The following PDXDC1 variants were observed in gnomAD, a reference collection of about 807,000 sequenced individuals.
PDXDC1 encodes pyridoxal-dependent decarboxylase domain-containing protein 1.
A neutral mutation model predicts 100.1 loss-of-function variants in PDXDC1; 42 were observed. That is an observed-to-expected ratio of 0.42 (90% CI 0.33 to 0.54). The LOEUF is 0.54. PDXDC1 is among the 20% of genes least tolerant of loss of function. The pLI is 0.10. For missense variants in PDXDC1, 636 were observed against 979.2 expected (o/e 0.65, Z 4.68); for synonymous variants, 260 against 371.7 (o/e 0.70, Z 3.46).
At chr16:15,130,258 T>C in intron 16 of PDXDC1, 2 of 1,547,428 alleles carry the variant, frequency 1.3e-6, no homozygotes, top group South Asian at 2.4e-5. Flanking sequence ...CCGAAGGCGG[T>C]GAGGTGGCGG....
rs1419503832 is a variant in PDXDC1, at chr16:15,028,869, T to C, written c.1205-9T>C. ...TGGGAGTGACTCCCTTTCTGTGTTT[T>C]GGTGTCAGATCCGGTGTTTAAAGCC... On this transcript the variant is annotated splice_polypyrimidine_tract_variant and intron_variant, in intron 14 of 22. Coordinates refer to ENST00000396410, the MANE Select transcript of PDXDC1 (RefSeq NM_015027.4). 3.1e-6 allele frequency: 5 copies of C among 1,612,696 alleles called. No homozygotes were observed. Among genetic ancestry groups the C allele is most frequent in the African/African-American group, 2.7e-5 (2 of 74,938 alleles).
At chr16:15,077,618 G>T (rs564287651) in intron 16 of PDXDC1, among the ~76,000 whole-genome samples, 1 of 152,306 alleles carries the variant, frequency 6.6e-6, no homozygotes, top group East Asian at 1.9e-4. Context: ...GAGGTGGACG[G>T]ATCATGAGGT....
rs1291595075 is a variant in PDXDC1 at position 15,034,592 on chromosome 16, T to C, written c.2002+39T>C. On this transcript the variant is annotated intron_variant, in intron 21 of 22. Coordinates refer to ENST00000396410, the MANE Select transcript of PDXDC1 (RefSeq NM_015027.4). ...GCCTCTTCCCAGGTCTTGCTGACCT[T>C]GGGAGGTTTCACCAAATGCCCTTGG... 2.7e-6 allele frequency: 4 copies of C among 1,495,956 alleles called. No homozygotes were observed. The Admixed American group carries it at 5.0e-5, about 19-fold the overall frequency. 92.7% of individuals were successfully genotyped at this position (1,495,956 alleles called of 1,614,324 possible).
chr16:15,032,710 A>AG, intron 17 of PDXDC1, 151 bp from the exon 18 acceptor site: 2 of 566,520 alleles, frequency 3.5e-6, no homozygotes, highest in Middle Eastern at 9.4e-4. Flanking sequence ...GCACACTTCC[A>AG]GAAAGTTTGT....
rs1202687850 is a variant in PDXDC1 at position 15,132,694 on chromosome 16, C to G, written c.1400-6185C>G. 3 of 806,808 alleles carry G rather than the reference C, an allele frequency of 3.7e-6. No homozygotes were observed. In the African/African-American group the frequency reaches 5.1e-5, roughly 14 times the overall value. The allele number at this position is 806,808 out of a possible 1,614,324, so 50.0% of individuals were successfully genotyped here. A position where few individuals can be genotyped will look rare whatever the true frequency, so the allele number is the denominator to read the frequency against. On this transcript the variant is annotated intron_variant, in intron 16 of 16. Coordinates refer to the PDXDC1 transcript ENST00000535621. ...CCAGTACCCTGGCAGGCATGCGGGG[C>G]GGGGTGAGCATGTGGGGCCATCCTA... is the stretch of plus-strand genomic sequence containing the variant.
intron 16 of PDXDC1, among the ~76,000 whole-genome samples, chr16:15,124,920 A>G (rs1056429388): frequency 1.3e-5 from 2 of 151,604 alleles, no homozygotes; most frequent in Non-Finnish European, 2.9e-5. Flanking sequence ...AGGCTGAGGC[A>G]GGCGGATCAC....
downstream of PDXDC1, among the ~76,000 whole-genome samples, chr16:15,143,934 G>A (rs951103450): frequency 6.6e-6 from 1 of 152,154 alleles, no homozygotes; most frequent in African/African-American, 2.4e-5. Context: ...GCCAGGCCCG[G>A]CACCCCTGCC....
chr16:15,117,367 G>T (rs1195321817), intron 16 of PDXDC1, among the ~76,000 whole-genome samples: 3 of 131,620 alleles, frequency 2.3e-5, no homozygotes, highest in Non-Finnish European at 3.2e-5. Context: ...TACACTTAAG[G>T]TTATATATTT....
At chr16:15,050,158 CACTT>C (rs1162432143) in intron 16 of PDXDC1, among the ~76,000 whole-genome samples, 3 of 152,188 alleles carry the variant, frequency 2.0e-5, no homozygotes, top group Non-Finnish European at 4.4e-5. Flanking sequence ...TGTTTGTACA[CACTT>C]ATTTAGTAAG....
chr16:15,108,266 T>A (rs2046885842), intron 16 of PDXDC1: 2 of 913,254 alleles, frequency 2.2e-6, no homozygotes, highest in South Asian at 1.0e-4. Context: ...ATCCTAAGGA[T>A]CTCACCTGAT....
chr16:15,069,228 G>T lies in PDXDC1; in HGVS notation c.1399+39172G>T, dbSNP rs138521359. The stretch of plus-strand genomic sequence containing the variant: ...ACTTTTAGTTGTCACAGCTGGGGGT[G>T]GTCGGGGACTGCTGTTGGCAGCTAG... On this transcript the variant is annotated intron_variant, in intron 16 of 16. Transcript: ENST00000535621. 4.0e-3 allele frequency among the ~76,000 whole-genome samples: 615 copies of T among 152,190 alleles called. 49 individuals carry two copies. The South Asian group carries it at 0.13, about 31-fold the overall frequency.
intron 17 of PDXDC1, chr16:15,032,346 A>G (rs191368982): frequency 1.2e-4 from 22 of 179,344 alleles, no homozygotes; most frequent in Non-Finnish European, 2.1e-4. Context: ...CAGACCTTGT[A>G]TGGAACTAAA....
rs1394722300 is a variant in PDXDC1, at chr16:15,125,435, G to T, written c.1400-13444G>T. 3.5e-5 allele frequency: 30 copies of T among 848,604 alleles called. No individual in the cohort carries two copies. The East Asian group carries it at 4.6e-4, about 13-fold the overall frequency. The allele number at this position is 848,604 out of a possible 1,614,324, so 52.6% of individuals were successfully genotyped here. A position where few individuals can be genotyped will look rare whatever the true frequency, so the allele number is the denominator to read the frequency against. The stretch of plus-strand genomic sequence containing the variant: ...GGCTTCCGAGCAAACCTGCTCCCAC[G>T]TGGTGTGACCACATGGAGCCACAGA... On this transcript the variant is annotated intron_variant, in intron 16 of 16. Transcript: ENST00000535621.
chr16:15,065,693 G>A (rs2151763012), intron 16 of PDXDC1, among the ~76,000 whole-genome samples: 1 of 152,160 alleles, frequency 6.6e-6, no homozygotes, highest in Admixed American at 6.5e-5. Context: ...ATAAATGTTT[G>A]CAAGGCAAAA....
intron 1 of PDXDC1, among the ~76,000 whole-genome samples, chr16:14,983,920 T>C (rs1407301040): frequency 2.0e-5 from 3 of 152,248 alleles, no homozygotes; most frequent in Non-Finnish European, 4.4e-5. Flanking sequence ...TTCAACACTT[T>C]GGGAGGCCAA....
intron 16 of PDXDC1, chr16:15,094,164 G>C (rs772540101): frequency 6.2e-7 from 1 of 1,601,710 alleles, no homozygotes; most frequent in Non-Finnish European, 8.5e-7. Context: ...GACGCGCCCA[G>C]CTTCTTAACT....
rs1411353469 is a variant in PDXDC1 at position 15,091,232 on chromosome 16, G to A, written c.1400-47647G>A. The A allele has an allele frequency of 1.7e-5, 27 of 1,549,420 alleles. No individual in the cohort carries two copies. In the East Asian group the frequency reaches 5.3e-4, roughly 30 times the overall value. On this transcript the variant is annotated intron_variant, in intron 16 of 16. Transcript: ENST00000535621. ...GACCATGGAGAGAGCAAGTTCTGGA[G>A]GACAGAATGGGACCCAAAGAGCAAA... is the stretch of plus-strand genomic sequence containing the variant.
At chr16:15,040,952 G>A (rs1230041806), downstream of PDXDC1, 4 of 758,162 alleles carry the variant, frequency 5.3e-6, no homozygotes, top group African/African-American at 3.5e-5. Context: ...GAGTAGCTGG[G>A]ATCTGAACCC....
chr16:15,135,712 G>A, intron 16 of PDXDC1: 2 of 1,594,744 alleles, frequency 1.3e-6, no homozygotes, highest in African/African-American at 1.3e-5. Context: ...CCTCCAGGTT[G>A]GGGTCGTAGG....
Sources: allele counts gnomAD v4.1 joint callset (sites outside exome capture counted in the v4.1 genomes callset), GRCh38; gene constraint gnomAD v4.1.1; transcripts MANE v1.5; gene names NCBI Gene and HGNC (gene_info 2026-07-23, HGNC 2026-07-21).